Variants in TTC27 observed in about 807,000 individuals in gnomAD.
TTC27 encodes tetratricopeptide repeat protein 27.
TTC27 carries 79 observed loss-of-function variants against 115.9 expected under a neutral mutation model. That is an observed-to-expected ratio of 0.68 (90% CI 0.57 to 0.82). TTC27 has a LOEUF of 0.82. Among genes scored for constraint, TTC27 ranks in the 40% least tolerant of loss-of-function variants. The pLI, the probability that TTC27 is intolerant of heterozygous loss-of-function variation, is 0.00. For missense variants in TTC27, 1,054 were observed against 993.1 expected, an observed-to-expected ratio of 1.06 and a Z score of -0.82; for synonymous variants, 401 against 356.0, an observed-to-expected ratio of 1.13 and a Z score of -1.42.
chr2:32,697,891 G>A (rs963937216), intron 9 of TTC27, among the ~76,000 whole-genome samples: 3 of 151,860 alleles, frequency 2.0e-5, no homozygotes, highest in Non-Finnish European at 4.4e-5. Context: ...GGCTGGAATT[G>A]TAGGTGTGCA....
At chr2:32,794,728 T>A (rs1670642291) in intron 16 of TTC27, among the ~76,000 whole-genome samples, 1 of 152,038 alleles carries the variant, frequency 6.6e-6, no homozygotes, top group Non-Finnish European at 1.5e-5. Context: ...AGATTCAGAT[T>A]ACTGAAATCA....
At chr2:32,668,337 T>C (rs1461430777) in intron 7 of TTC27, among the ~76,000 whole-genome samples, 2 of 150,378 alleles carry the variant, frequency 1.3e-5, no homozygotes, top group Non-Finnish European at 1.5e-5. Context: ...AATTGCATCA[T>C]TGAACTCCAG....
chr2:32,730,077 G>A (rs1035074625), intron 10 of TTC27, among the ~76,000 whole-genome samples: 1 of 152,132 alleles, frequency 6.6e-6, no homozygotes, highest in Admixed American at 6.6e-5. Context: ...CAATAGTAGT[G>A]AGGCTTCACG....
intron 3 of TTC27, among the ~76,000 whole-genome samples, chr2:32,636,594 A>G (rs1459279599): frequency 6.6e-6 from 1 of 152,210 alleles, no homozygotes; most frequent in Non-Finnish European, 1.5e-5. Flanking sequence ...TCAGAGTGGT[A>G]AAAGAATCTT....
intron 13 of TTC27, among the ~76,000 whole-genome samples, chr2:32,775,399 C>T (rs111932231): frequency 0.067 from 10,129 of 152,104 alleles, 337 homozygotes; most frequent in Middle Eastern, 0.13. Context: ...GGGGTTTCAC[C>T]GTGTTAGCCA....
At chr2:32,810,038 G>A (rs1285259533) in intron 16 of TTC27, among the ~76,000 whole-genome samples, 3 of 151,074 alleles carry the variant, frequency 2.0e-5, no homozygotes, top group Admixed American at 2.0e-4. Flanking sequence ...AATCACTTGA[G>A]CCCGGGAGGC....
At position 32,628,343 on chromosome 2, in the gene TTC27, G is replaced by A. The variant is rs763288207; in HGVS notation, c.51G>A (p.Glu17=). 9.9e-6 allele frequency: 16 copies of A among 1,608,212 alleles called. No homozygotes were observed. Among genetic ancestry groups the A allele is most frequent in the Non-Finnish European group, 1.4e-5 (16 of 1,178,288 alleles). ...TGAGGGGATTCCCCACTGAGGCTGA[G>A]CGGCAGCAATGGAAACAGGAGGGGG... is the stretch of plus-strand genomic sequence containing the variant. The part of the protein sequence containing the change: ...AILRGFPTEA[E]RQQWKQEGVV... Residue 17 remains glutamate, a synonymous_variant, in exon 1 of 20, where the codon GAG becomes GAA. Transcript: ENST00000317907.
intron 8 of TTC27, among the ~76,000 whole-genome samples, chr2:32,677,594 C>T (rs901022565): frequency 7.2e-5 from 11 of 152,056 alleles, no homozygotes; most frequent in African/African-American, 2.2e-4. Flanking sequence ...GGACTACAGG[C>T]GTGCGCCACC....
intron 9 of TTC27, among the ~76,000 whole-genome samples, chr2:32,680,214 C>T (rs1666370370): frequency 6.6e-6 from 1 of 152,006 alleles, no homozygotes; most frequent in African/African-American, 2.4e-5. Flanking sequence ...AAATGTTCCT[C>T]ATTATTTATT....
At chr2:32,664,247 A>G in intron 5 of TTC27, 56 bp from the exon 6 acceptor site, 2 of 1,467,728 alleles carry the variant, frequency 1.4e-6, no homozygotes, top group Non-Finnish European at 9.3e-7. Flanking sequence ...TATTTTACAC[A>G]TTAATATATT....
chr2:32,661,643 C>T (rs944666244), intron 5 of TTC27, among the ~76,000 whole-genome samples: 12 of 152,184 alleles, frequency 7.9e-5, no homozygotes, highest in Admixed American at 2.6e-4. Context: ...GCTGAAGTTG[C>T]TTATCAGCTT....
rs774521169 is a variant in TTC27, at chr2:32,664,341, C to G, written c.679C>G (p.Arg227Gly). The change falls in exon 6 of 20, where the codon CGA (arginine) becomes GGA (glycine). Residue 227 changes from arginine (R) to glycine (G), a missense_variant. Transcript: ENST00000317907. ...GAATCTGTTTGTAGATGATTCAGGT[C>G]GATATTTGGCTATTCAATTCCATCT... ...LQNLFVDDSG[R>G]YLAIQFHLEC... 1 of 1,608,742 alleles carries G rather than the reference C, an allele frequency of 6.2e-7. No individual in the cohort carries two copies. Among genetic ancestry groups the G allele is most frequent in the African/African-American group, 1.3e-5 (1 of 74,694 alleles).
chr2:32,747,056 A>G (rs371724313), intron 12 of TTC27, among the ~76,000 whole-genome samples: 2 of 152,208 alleles, frequency 1.3e-5, no homozygotes, highest in East Asian at 1.9e-4. Flanking sequence ...CTGGAAAGTT[A>G]CACACTCTGG....
At chr2:32,667,046 C>T (rs888071667) in intron 7 of TTC27, among the ~76,000 whole-genome samples, 3 of 151,632 alleles carry the variant, frequency 2.0e-5, no homozygotes, top group Non-Finnish European at 4.4e-5. Context: ...ATTAATGATG[C>T]AGTTAGTTAT....
At chr2:32,741,660 A>AC (rs1428999861) in intron 12 of TTC27, among the ~76,000 whole-genome samples, 1 of 59,148 alleles carries the variant, frequency 1.7e-5, no homozygotes, top group Non-Finnish European at 3.7e-5. Context: ...AAAAAAAACA[A>AC]AAAACAAAAC....
intron 9 of TTC27, among the ~76,000 whole-genome samples, chr2:32,699,205 G>C (rs982462205): frequency 6.6e-6 from 1 of 152,258 alleles, no homozygotes; most frequent in Admixed American, 6.5e-5. Flanking sequence ...ACTAGATGCA[G>C]TTATAAAGAA....
intron 6 of TTC27, among the ~76,000 whole-genome samples, chr2:32,664,723 C>G (rs1432669150): frequency 6.6e-6 from 1 of 152,136 alleles, no homozygotes; most frequent in Non-Finnish European, 1.5e-5. Flanking sequence ...AGGCAGTACA[C>G]AAACACACTT....
In TTC27 at chr2:32,678,896, G is replaced by C; in HGVS notation, c.1093G>C (p.Glu365Gln). 6.2e-7 allele frequency: 1 copy of C among 1,613,310 alleles called. No individual in the cohort carries two copies. The highest frequency in any genetic ancestry group is 8.5e-7 in the Non-Finnish European group (1 of 1,179,600). ...QKNNPVHTLT[E>Q]VELLAFTSCL... is the part of the protein sequence containing the mutation. ...GAATAACCCAGTGCACACATTAACT[G>C]AAGTGGAGCTTCTGGCATTTACATC... Residue 365 changes from glutamate (E) to glutamine (Q), a missense_variant, in exon 9 of 20, where the codon GAA becomes CAA. Transcript: ENST00000317907.
intron 2 of TTC27, among the ~76,000 whole-genome samples, chr2:32,633,403 G>A (rs199904878): frequency 6.6e-6 from 1 of 151,986 alleles, no homozygotes; most frequent in Non-Finnish European, 1.5e-5. Flanking sequence ...ATTGGATATT[G>A]TAGACCTAAT....
Sources: gnomAD v4.1 joint callset for allele counts (sites outside exome capture counted in the v4.1 genomes callset) on GRCh38, gnomAD v4.1.1 for gene constraint, MANE v1.5 for transcripts, NCBI Gene and HGNC (gene_info 2026-07-23, HGNC 2026-07-21) for gene names.